The following RAB43 variants were observed in gnomAD, a reference collection of about 807,000 sequenced individuals.
RAB43 encodes ras-related protein Rab-43.
Under a neutral mutation model 18.8 loss-of-function variants are expected in RAB43, and 6 were observed. The observed-to-expected ratio is 0.32, with a 90% CI of 0.17 to 0.63. The LOEUF (loss-of-function observed/expected upper bound fraction) is 0.63. Ranked by LOEUF, RAB43 falls within the 30% of genes least tolerant of loss-of-function variation. RAB43 has a pLI of 0.79. For synonymous variants in RAB43, 103 were observed against 124.1 expected (o/e 0.83, Z 1.13); for missense variants, 195 against 289.1 (o/e 0.67, Z 2.36).
chr3:129,113,170 ATT>A (rs1251520604), intron 1 of RAB43, among the ~76,000 whole-genome samples: 4 of 134,414 alleles, frequency 3.0e-5, no homozygotes, highest in South Asian at 2.3e-4. Context: ...TATTATTATT[ATT>A]TTTTTTTTTT....
At chr3:129,099,085 T>G (rs1315348346) in intron 1 of RAB43, among the ~76,000 whole-genome samples, 1 of 151,494 alleles carries the variant, frequency 6.6e-6, no homozygotes, top group Non-Finnish European at 1.5e-5. Flanking sequence ...AATATATATA[T>G]GTTAAACTTA....
intron 1 of RAB43, 65 bp downstream of exon 1, chr3:129,121,221 G>A (rs2107590520): frequency 7.1e-7 from 1 of 1,409,392 alleles, no homozygotes; most frequent in East Asian, 2.5e-5. Context: ...CGCGGCCAGG[G>A]GCTCCGCTGC....
rs78114618 is a variant in RAB43 at position 129,121,080 on chromosome 3, C to G, written c.204+206G>C. Among the ~76,000 whole-genome samples the G allele has an allele frequency of 1.1e-3, 167 of 147,810 alleles. 6 individuals are homozygous for G. Among genetic ancestry groups the G allele is most frequent in the African/African-American group, 3.8e-3 (153 of 39,794 alleles). ...TCCACACTCCCTCGCCCCCCCCCCC[C>G]CCAGCAACCCACGGCCGGCGCTTTG... is the stretch of plus-strand genomic sequence containing the variant. On this transcript the variant is annotated intron_variant, in intron 1 of 2. Coordinates refer to ENST00000315150, the MANE Select transcript of RAB43 (RefSeq NM_198490.3).
rs1245366164 is a variant in RAB43 at position 129,121,597 on chromosome 3, A to G, written c.-108T>C. The G allele has an allele frequency of 1.2e-5, 11 of 902,116 alleles. No individual in the cohort carries two copies. Among genetic ancestry groups the G allele is most frequent in the Non-Finnish European group, 1.6e-5 (10 of 625,150 alleles). 55.9% of individuals were successfully genotyped at this position (902,116 alleles called of 1,614,324 possible). A position where few individuals can be genotyped will look rare whatever the true frequency, so the allele number is the denominator to read the frequency against. On this transcript the variant is annotated 5_prime_UTR_variant, in exon 1 of 3. Transcript: ENST00000315150. The stretch of plus-strand genomic sequence containing the variant: ...GCTCCAGCCCACGGGCCGCCTGGCT[A>G]CGTGGAGCCGCCGCAACACCTGAAC...
In RAB43 at chr3:129,095,063, C is replaced by T; in HGVS notation, c.311G>A (p.Ser104Asn). ...CCAGTGAGGCACCGACAGGAAGGAG[C>T]TCCTCTTGGTGATGTCGTAGGCAAG... ...AILAYDITKR[S>N]SFLSVPHWIE... Residue 104 changes from serine to asparagine, a missense_variant, in exon 2 of 3, where the codon AGC becomes AAC. Transcript: ENST00000315150. The surrounding 1 kb of genome is among the most constrained non-coding windows in gnomAD (Gnocchi z 4.2). The T allele has an allele frequency of 1.9e-6, 3 of 1,614,028 alleles. No homozygotes were observed. In the African/African-American group the frequency reaches 4.0e-5, roughly 22 times the overall value.
intron 1 of RAB43, among the ~76,000 whole-genome samples, chr3:129,106,344 C>T (rs1267666891): frequency 6.6e-6 from 1 of 152,182 alleles, no homozygotes; most frequent in Non-Finnish European, 1.5e-5. Flanking sequence ...ATACAAGTTC[C>T]TGAGCTATTT....
intron 1 of RAB43, among the ~76,000 whole-genome samples, chr3:129,120,400 A>C (rs922350354): frequency 1.3e-4 from 20 of 152,166 alleles, no homozygotes; most frequent in African/African-American, 4.3e-4. Context: ...CCTGAAGATC[A>C]TGGGGGCTCG....
intron 1 of RAB43, among the ~76,000 whole-genome samples, chr3:129,099,782 G>GA (rs570185448): frequency 2.4e-4 from 36 of 147,514 alleles, no homozygotes; most frequent in African/African-American, 3.5e-4. Flanking sequence ...ATAGATGGCA[G>GA]AAAAAAAAAA....
rs370261599 is a variant in RAB43, at chr3:129,119,225, G to A, written c.204+2061C>T. On this transcript the variant is annotated intron_variant, in intron 1 of 2. Coordinates refer to ENST00000315150, the MANE Select transcript of RAB43 (RefSeq NM_198490.3). ...AGGGAAAATGGCTTGCTCCTGCTGC[G>A]GCAGCGGACCCCAGGAAGCCTGACT... Among the ~76,000 whole-genome samples, 50 of 152,282 alleles carry A rather than the reference G, an allele frequency of 3.3e-4. 1 individual carries two copies. The South Asian group carries it at 8.1e-3, about 25-fold the overall frequency.
At chr3:129,106,521 A>T (rs1934792310) in intron 1 of RAB43, among the ~76,000 whole-genome samples, 1 of 152,190 alleles carries the variant, frequency 6.6e-6, no homozygotes, top group Non-Finnish European at 1.5e-5. Flanking sequence ...AAGCACTGTG[A>T]AGCACCATGG....
chr3:129,108,655 C>T (rs563504911), intron 1 of RAB43, among the ~76,000 whole-genome samples: 2 of 152,310 alleles, frequency 1.3e-5, no homozygotes, highest in South Asian at 2.1e-4. Context: ...TAACTAAGCT[C>T]GACAGAGTAC....
At chr3:129,106,282 T>C (rs947749329) in intron 1 of RAB43, among the ~76,000 whole-genome samples, 1 of 152,198 alleles carries the variant, frequency 6.6e-6, no homozygotes, top group African/African-American at 2.4e-5. Flanking sequence ...AGAGGGACCT[T>C]GGAAAAGTTA....
chr3:129,116,629 G>T (rs1449625015), intron 1 of RAB43, among the ~76,000 whole-genome samples: 1 of 152,196 alleles, frequency 6.6e-6, no homozygotes, highest in Non-Finnish European at 1.5e-5. Flanking sequence ...CCTAGGGCAA[G>T]GGGAAGCTTG....
Position 129,114,045 on chromosome 3 carries a change from A to G in RAB43, c.204+7241T>C, listed in dbSNP as rs553979698. 2.0e-5 allele frequency among the ~76,000 whole-genome samples: 3 copies of G among 152,232 alleles called. No individual in the cohort carries two copies. The East Asian group carries it at 5.8e-4, about 29-fold the overall frequency. ...AGACTCCGTCTCGAAAGAAAAAAAAAAGAAAGATCTGGTATGTAACAGCAT... is the reference window on the plus strand; with the variant it reads ...AGACTCCGTCTCGAAAGAAAAAAAAGAGAAAGATCTGGTATGTAACAGCAT... On this transcript the variant is annotated intron_variant, in intron 1 of 2. Transcript: ENST00000315150.
intron 1 of RAB43, among the ~76,000 whole-genome samples, chr3:129,110,980 A>G (rs1935130373): frequency 1.3e-5 from 2 of 151,998 alleles, no homozygotes; most frequent in Admixed American, 6.6e-5. Context: ...CAAAATATCA[A>G]TCTGTTGATG....
intron 1 of RAB43, among the ~76,000 whole-genome samples, chr3:129,108,648 C>A (rs1412336643): frequency 6.6e-6 from 1 of 152,218 alleles, no homozygotes; most frequent in Non-Finnish European, 1.5e-5. Context: ...ACAACCATAA[C>A]TAAGCTCGAC....
intron 2 of RAB43, among the ~76,000 whole-genome samples, 159 bp from the exon 3 acceptor site, chr3:129,091,505 G>C (rs1405352482): frequency 6.6e-6 from 1 of 152,190 alleles, no homozygotes; most frequent in Non-Finnish European, 1.5e-5. Context: ...ACCTTTTTTA[G>C]GCCGGGTGCA....
At chr3:129,099,488 G>C (rs1044464715) in intron 1 of RAB43, among the ~76,000 whole-genome samples, 3 of 152,138 alleles carry the variant, frequency 2.0e-5, no homozygotes, top group African/African-American at 7.2e-5. Context: ...CTGAGTTCAA[G>C]TGATTCTCCT....
Position 129,094,997 on chromosome 3 carries a change from T to C in RAB43, c.377A>G (p.Gln126Arg). Residue 126 changes from glutamine (Q) to arginine (R), a missense_variant, in exon 2 of 3, where the codon CAG becomes CGG. Physicochemically the swap from Gln to Arg is conservative, Grantham distance 43 (BLOSUM62 1). Transcript: ENST00000315150. Reference protein sequence around the residue: ...VRKYAGSNIVQLLIGNKSDLS... With the variant: ...VRKYAGSNIVRLLIGNKSDLS... ...AATCCCCAACTCACCGATCAGCAGC[T>C]GCACAATGTTGGAGCCCGCATACTT... 2 of 1,610,898 alleles carry C rather than the reference T, an allele frequency of 1.2e-6. No individual in the cohort carries two copies. The highest frequency in any genetic ancestry group is 1.7e-6 in the Non-Finnish European group (2 of 1,178,144).
Sources: gnomAD v4.1 joint callset for allele counts (sites outside exome capture counted in the v4.1 genomes callset) on GRCh38, gnomAD v4.1.1 for gene constraint, Gnocchi (gnomAD v3.1) non-coding constraint, MANE v1.5 for transcripts, NCBI Gene and HGNC (gene_info 2026-07-23, HGNC 2026-07-21) for gene names.